The following CTNND2 variants were observed in gnomAD, a reference collection of about 807,000 sequenced individuals.
CTNND2 encodes catenin delta 2, also known as catenin delta-2.
In CTNND2, 22 loss-of-function variants were observed where a neutral mutation model predicts 144.4. That is an observed-to-expected ratio of 0.15 (90% confidence interval 0.11 to 0.22). CTNND2 has a LOEUF of 0.22. CTNND2 is among the 10% of genes least tolerant of loss of function. The pLI is 1.00. For missense variants in CTNND2, 1,353 were observed against 1,618.8 expected, an observed-to-expected ratio of 0.84 and a Z score of 2.82; for synonymous variants, 751 against 695.6, an observed-to-expected ratio of 1.08 and a Z score of -1.25.
chr5:11,843,173 G>A (rs187826502), intron 1 of CTNND2, among the ~76,000 whole-genome samples: 1 of 152,266 alleles, frequency 6.6e-6, no homozygotes, highest in African/African-American at 2.4e-5. Context: ...TAAAAAACGT[G>A]AAAATATGGC....
At chr5:11,283,491 T>C (rs1212119164) in intron 9 of CTNND2, among the ~76,000 whole-genome samples, 4 of 151,814 alleles carry the variant, frequency 2.6e-5, no homozygotes, top group East Asian at 1.9e-4. Context: ...CTGGCCAACA[T>C]AGTGAAACCC....
chr5:11,087,236 A>G (rs1750257094), intron 15 of CTNND2, among the ~76,000 whole-genome samples: 1 of 152,224 alleles, frequency 6.6e-6, no homozygotes, highest in African/African-American at 2.4e-5. Flanking sequence ...TTCTGAATTT[A>G]TTTACAATAC....
At chr5:11,732,313 A>C in intron 1 of CTNND2, 41 bp from the exon 2 acceptor site, 1 of 1,589,856 alleles carries the variant, frequency 6.3e-7, no homozygotes, top group Non-Finnish European at 8.6e-7. Flanking sequence ...TCAGATGTTG[A>C]CACTAAACAG....
chr5:11,854,473 A>G (rs1458572075), intron 1 of CTNND2, among the ~76,000 whole-genome samples: 3 of 152,176 alleles, frequency 2.0e-5, no homozygotes, highest in Non-Finnish European at 4.4e-5. Flanking sequence ...TCTGATATTT[A>G]TTTACTTTAT....
intron 9 of CTNND2, among the ~76,000 whole-genome samples, chr5:11,272,692 T>C (rs1371161421): frequency 1.3e-5 from 2 of 152,188 alleles, no homozygotes; most frequent in African/African-American, 2.4e-5. Flanking sequence ...GCAGTACAAC[T>C]ATGCCATAAA....
At chr5:11,559,176 A>T (rs1776484367) in intron 3 of CTNND2, among the ~76,000 whole-genome samples, 1 of 152,004 alleles carries the variant, frequency 6.6e-6, no homozygotes, top group Admixed American at 6.6e-5. Context: ...TGTGGGTGGG[A>T]TTGTGGAAGA....
intron 11 of CTNND2, among the ~76,000 whole-genome samples, chr5:11,176,461 G>A (rs974244043): frequency 4.6e-5 from 7 of 152,052 alleles, no homozygotes; most frequent in Non-Finnish European, 8.8e-5. Flanking sequence ...GCAAACTCTT[G>A]TCTCTGTTGC....
chr5:11,271,299 A>C (rs1745984924), intron 9 of CTNND2, among the ~76,000 whole-genome samples: 1 of 152,200 alleles, frequency 6.6e-6, no homozygotes, highest in African/African-American at 2.4e-5. Context: ...ACATATGTGC[A>C]TTTATAAATT....
chr5:11,007,525 A>G (rs1740614947), intron 18 of CTNND2, among the ~76,000 whole-genome samples: 1 of 152,246 alleles, frequency 6.6e-6, no homozygotes, highest in Non-Finnish European at 1.5e-5. Context: ...ACAGTTCCAC[A>G]TTCTGTGACC....
intron 1 of CTNND2, among the ~76,000 whole-genome samples, chr5:11,897,650 A>G (rs1737501137): frequency 6.6e-6 from 1 of 152,226 alleles, no homozygotes; most frequent in Non-Finnish European, 1.5e-5. Flanking sequence ...AAGTTATTTT[A>G]AAGTTGGCTA....
chr5:11,738,960 G>C (rs56763715), intron 1 of CTNND2, among the ~76,000 whole-genome samples: 21,966 of 152,060 alleles, frequency 0.14, 1,771 homozygotes, highest in South Asian at 0.27. Flanking sequence ...TTTCCAAACT[G>C]CAAGTATGCT....
intron 15 of CTNND2, among the ~76,000 whole-genome samples, chr5:11,094,747 A>C (rs1751158686): frequency 6.6e-6 from 1 of 152,208 alleles, no homozygotes; most frequent in Admixed American, 6.5e-5. Context: ...TACAGGCGTG[A>C]GCCACAACAC....
intron 3 of CTNND2, among the ~76,000 whole-genome samples, chr5:11,473,659 C>T (rs528815017): frequency 4.1e-4 from 62 of 152,328 alleles, no homozygotes; most frequent in Non-Finnish European, 6.8e-4. Flanking sequence ...AAAACCCATT[C>T]TAGAGCACAC....
At chr5:11,302,926 CTT>C (rs1430042632) in intron 9 of CTNND2, among the ~76,000 whole-genome samples, 1 of 152,206 alleles carries the variant, frequency 6.6e-6, no homozygotes, top group East Asian at 1.9e-4. Flanking sequence ...GTCCTTCCTC[CTT>C]TTTGCCTACT....
chr5:11,441,428 G>C (rs1000219925), intron 3 of CTNND2, among the ~76,000 whole-genome samples: 1 of 146,646 alleles, frequency 6.8e-6, no homozygotes, highest in Non-Finnish European at 1.5e-5. Context: ...GCCCAGGCTG[G>C]AGTGTAGTGG....
At chr5:11,551,198 G>A (rs888729911) in intron 3 of CTNND2, among the ~76,000 whole-genome samples, 9 of 152,072 alleles carry the variant, frequency 5.9e-5, no homozygotes, top group African/African-American at 2.2e-4. Flanking sequence ...CCCAACACCA[G>A]TGTACCCCAT....
chr5:11,185,990 C>T (rs1375721065), intron 11 of CTNND2, among the ~76,000 whole-genome samples: 1 of 152,184 alleles, frequency 6.6e-6, no homozygotes, highest in Non-Finnish European at 1.5e-5. Context: ...TATGCATTGT[C>T]AGACCTAACA....
At chr5:11,129,407 C>T (rs73742130) in intron 12 of CTNND2, among the ~76,000 whole-genome samples, 20,028 of 140,268 alleles carry the variant, frequency 0.14, 2,443 homozygotes, top group East Asian at 0.44. Context: ...CTCTCAATGC[C>T]GTGAGGCCAG....
intron 11 of CTNND2, among the ~76,000 whole-genome samples, chr5:11,182,307 T>C (rs1735162740): frequency 1.3e-5 from 2 of 151,972 alleles, no homozygotes; most frequent in South Asian, 4.1e-4. Flanking sequence ...CATGTGCTGG[T>C]CTGTGTGGGT....
Sources: gnomAD v4.1 joint callset for allele counts (sites outside exome capture counted in the v4.1 genomes callset) on GRCh38, gnomAD v4.1.1 for gene constraint, MANE v1.5 for transcripts, NCBI Gene and HGNC (gene_info 2026-07-23, HGNC 2026-07-21) for gene names.